The following CPLX2 variants were observed in gnomAD, a reference collection of about 807,000 sequenced individuals.
The protein encoded by CPLX2 is complexin-2.
In CPLX2, 5 loss-of-function variants were observed where a neutral mutation model predicts 16.3. The observed-to-expected ratio is 0.31, with a 90% CI of 0.16 to 0.64. The LOEUF (loss-of-function observed/expected upper bound fraction) is 0.64, where lower values mean the gene tolerates loss of function less well. Ranked by LOEUF, CPLX2 falls within the 30% of genes least tolerant of loss-of-function variation. The pLI is 0.79. For synonymous variants in CPLX2, 89 were observed against 73.2 expected (o/e 1.22, Z -1.10); for missense variants, 144 against 181.4 (o/e 0.79, Z 1.18).
intron 2 of CPLX2, among the ~76,000 whole-genome samples, chr5:175,835,150 T>A (rs1287463705): frequency 6.6e-6 from 1 of 152,222 alleles, no homozygotes; most frequent in Non-Finnish European, 1.5e-5. Context: ...ATGTGTTGAT[T>A]TTTTTTGAAA....
chr5:175,806,659 T>A (rs1164408248), intron 1 of CPLX2, among the ~76,000 whole-genome samples: 2 of 81,164 alleles, frequency 2.5e-5, no homozygotes, highest in Non-Finnish European at 4.7e-5. Flanking sequence ...CCCGGTTAAT[T>A]TTGTATTTTT....
At chr5:175,878,865 C>T (rs1755481766) in intron 2 of CPLX2, 43 bp from the exon 3 acceptor site, 7 of 1,608,870 alleles carry the variant, frequency 4.4e-6, no homozygotes, top group Non-Finnish European at 5.1e-6. Context: ...CAGCCCTGAC[C>T]CCTAGCTGAC....
intron 1 of CPLX2, among the ~76,000 whole-genome samples, chr5:175,876,194 C>T (rs2113712116): frequency 6.6e-6 from 1 of 152,312 alleles, no homozygotes; most frequent in East Asian, 1.9e-4. Context: ...GAAGGCAAGG[C>T]TTTGTCTGTC....
intron 2 of CPLX2, among the ~76,000 whole-genome samples, chr5:175,854,941 T>C (rs1031146579): frequency 1.5e-4 from 23 of 152,244 alleles, no homozygotes; most frequent in Admixed American, 7.2e-4. Context: ...ACAGACGTCA[T>C]CTCTGCCTCT....
At chr5:175,800,499 AC>A (rs1396391368) in intron 1 of CPLX2, among the ~76,000 whole-genome samples, 1 of 150,554 alleles carries the variant, frequency 6.6e-6, no homozygotes, top group Non-Finnish European at 1.5e-5. Context: ...AAAAAAAAAA[AC>A]AAGTGCCTTG....
chr5:175,823,529 T>A (rs184073665), intron 2 of CPLX2, among the ~76,000 whole-genome samples: 2 of 152,290 alleles, frequency 1.3e-5, no homozygotes, highest in African/African-American at 4.8e-5. Flanking sequence ...GAACTGCCTG[T>A]AAACACAAAC....
chr5:175,856,432 A>C (rs1356722637), intron 2 of CPLX2, among the ~76,000 whole-genome samples: 1 of 152,178 alleles, frequency 6.6e-6, no homozygotes, highest in Non-Finnish European at 1.5e-5. Context: ...CAGCTAGTGA[A>C]TGGCCAAGCT....
intron 1 of CPLX2, among the ~76,000 whole-genome samples, chr5:175,799,539 C>CATATATATATTTACAT (rs1227041477): frequency 1.4e-5 from 1 of 72,276 alleles, no homozygotes; most frequent in Non-Finnish European, 2.6e-5. Flanking sequence ...TTGCAAATTT[C>CATATATATATTTACAT]ATATATATAT....
Position 175,882,742 on chromosome 5 carries a change from C to T in CPLX2, c.*2697C>T. 1 of 153,144 alleles carries T rather than the reference C, an allele frequency of 6.5e-6. No individual in the cohort carries two copies. The highest frequency in any genetic ancestry group is 1.5e-5 in the Non-Finnish European group (1 of 68,340). The allele number at this position is 153,144 out of a possible 1,614,324, so 9.5% of individuals were successfully genotyped here. On this transcript the variant is annotated 3_prime_UTR_variant, in exon 4 of 4. Transcript: ENST00000393745. The stretch of plus-strand genomic sequence containing the variant: ...GATATAGGAGAAAATTTCTGCCTGG[C>T]ACACACCTGGCTCCAACCACTGCCA...
chr5:175,816,141 C>T (rs1486847852), intron 2 of CPLX2, among the ~76,000 whole-genome samples: 1 of 152,028 alleles, frequency 6.6e-6, no homozygotes, highest in South Asian at 2.1e-4. Context: ...TATGCAGCAG[C>T]GGAAGAGAGT....
At chr5:175,847,751 CAG>C (rs1759075473) in intron 2 of CPLX2, among the ~76,000 whole-genome samples, 1 of 152,224 alleles carries the variant, frequency 6.6e-6, no homozygotes, top group South Asian at 2.1e-4. Context: ...CCAGTCACAA[CAG>C]AGTTAACCCT....
At chr5:175,827,054 A>T (rs546973644) in intron 2 of CPLX2, among the ~76,000 whole-genome samples, 6 of 152,082 alleles carry the variant, frequency 3.9e-5, no homozygotes, top group Non-Finnish European at 8.8e-5. Flanking sequence ...GCTGCTCCAG[A>T]CTTACATCCC....
At chr5:175,829,521 C>T (rs1445643002) in intron 2 of CPLX2, among the ~76,000 whole-genome samples, 3 of 152,186 alleles carry the variant, frequency 2.0e-5, no homozygotes, top group Non-Finnish European at 2.9e-5. Flanking sequence ...CACCTTCCCT[C>T]GGACTTCTGC....
At chr5:175,814,764 TG>T (rs533500183) in intron 2 of CPLX2, among the ~76,000 whole-genome samples, 420 of 152,310 alleles carry the variant, frequency 2.8e-3, no homozygotes, top group African/African-American at 9.9e-3. Flanking sequence ...ACAAGGGGTC[TG>T]GAAGCAGGAC....
At chr5:175,796,607 C>G (rs1018958658) in exon 1 of CPLX2, 1 of 152,464 alleles carries the variant, frequency 6.6e-6, no homozygotes, top group African/African-American at 2.4e-5. Flanking sequence ...CCCTGCAGCT[C>G]GGCAGGCATT....
chr5:175,840,956 G>T (rs1366803407), intron 2 of CPLX2, among the ~76,000 whole-genome samples: 1 of 152,178 alleles, frequency 6.6e-6, no homozygotes, highest in Non-Finnish European at 1.5e-5. Flanking sequence ...TCATCTCACA[G>T]AGGAAACCAG....
At chr5:175,797,634 T>A (rs947426350) in intron 1 of CPLX2, among the ~76,000 whole-genome samples, 2 of 152,016 alleles carry the variant, frequency 1.3e-5, no homozygotes, top group African/African-American at 4.8e-5. Context: ...TGAGTTTCCG[T>A]AGGGGGAGGG....
chr5:175,801,542 C>T (rs1016094204), intron 1 of CPLX2, among the ~76,000 whole-genome samples: 2 of 152,178 alleles, frequency 1.3e-5, no homozygotes, highest in Non-Finnish European at 2.9e-5. Flanking sequence ...TGCCTGGGTT[C>T]AAATCCCAGC....
At chr5:175,808,626 C>A (rs1456519029) in intron 1 of CPLX2, among the ~76,000 whole-genome samples, 2 of 152,150 alleles carry the variant, frequency 1.3e-5, no homozygotes, top group Admixed American at 6.5e-5. Flanking sequence ...AGCTGGAATT[C>A]AAAACCAGAT....
Sources: gnomAD v4.1 joint callset for allele counts (sites outside exome capture counted in the v4.1 genomes callset) on GRCh38, gnomAD v4.1.1 for gene constraint, MANE v1.5 for transcripts, NCBI Gene and HGNC (gene_info 2026-07-23, HGNC 2026-07-21) for gene names.